The following AGT variants were observed in gnomAD, a reference collection of about 807,000 sequenced individuals.
AGT encodes angiotensinogen.
Under a neutral mutation model 28.1 loss-of-function variants are expected in AGT, and 26 were observed. That is an observed-to-expected ratio of 0.92 (90% CI 0.68 to 1.28). The LOEUF is 1.28. Among genes scored for constraint, AGT ranks in the 50% most tolerant of loss-of-function variants. The pLI is 0.00. For missense variants in AGT, 596 were observed against 592.3 expected, an observed-to-expected ratio of 1.01 and a Z score of -0.06; for synonymous variants, 259 against 259.6, an observed-to-expected ratio of 1.00 and a Z score of 0.02.
At chr1:230,743,560 C>A (rs887149137) in intron 1 of AGT, among the ~76,000 whole-genome samples, 1 of 152,354 alleles carries the variant, frequency 6.6e-6, no homozygotes, top group African/African-American at 2.4e-5. Flanking sequence ...CCACCCTCCT[C>A]GCCAGCCCAC....
chr1:230,734,150 C>T (rs917380387), intron 1 of AGT, among the ~76,000 whole-genome samples: 8 of 151,976 alleles, frequency 5.3e-5, no homozygotes, highest in African/African-American at 1.9e-4. Flanking sequence ...AAGTGTCCAC[C>T]AACAGATAAA....
At chr1:230,728,052 G>A (rs1663977329) in intron 1 of AGT, among the ~76,000 whole-genome samples, 1 of 152,164 alleles carries the variant, frequency 6.6e-6, no homozygotes, top group South Asian at 2.1e-4. Flanking sequence ...CTGCTGATTG[G>A]TTGGAGATGC....
chr1:230,727,158 C>T (rs1336021834), intron 1 of AGT, among the ~76,000 whole-genome samples: 1 of 152,100 alleles, frequency 6.6e-6, no homozygotes, highest in Non-Finnish European at 1.5e-5. Context: ...CAGGGATGAC[C>T]CTGATGCCTA....
In AGT at chr1:230,709,935, C is replaced by A. The variant is rs561977056; in HGVS notation, c.829+60G>T. On this transcript the variant is annotated intron_variant, in intron 2 of 4. Coordinates refer to ENST00000366667, the MANE Select transcript of AGT (RefSeq NM_001384479.1). Reference sequence around the variant, plus strand: ...CATCTCCAAGGCCTGACTGGCTGATCTCAGCTACACATTGGATACTAAGTC... The same window carrying A: ...CATCTCCAAGGCCTGACTGGCTGATATCAGCTACACATTGGATACTAAGTC... 3.7e-6 allele frequency: 6 copies of A among 1,611,080 alleles called. No individual in the cohort carries two copies. In the Admixed American group the frequency reaches 8.3e-5, roughly 22 times the overall value.
intron 1 of AGT, among the ~76,000 whole-genome samples, chr1:230,739,715 A>G (rs1262953817): frequency 2.0e-5 from 3 of 152,204 alleles, no homozygotes; most frequent in Non-Finnish European, 4.4e-5. Flanking sequence ...ACCTCAACCA[A>G]GAAGATCCCA....
intron 1 of AGT, among the ~76,000 whole-genome samples, chr1:230,740,356 A>G (rs1473409112): frequency 2.0e-5 from 3 of 152,072 alleles, no homozygotes; most frequent in Non-Finnish European, 2.9e-5. Flanking sequence ...CCGACCTCCT[A>G]TGTCATCCTG....
intron 4 of AGT, among the ~76,000 whole-genome samples, chr1:230,703,596 ATCTTCACAT>A (rs2102784930): frequency 6.6e-6 from 1 of 152,222 alleles, no homozygotes; most frequent in South Asian, 2.1e-4. Flanking sequence ...ACATCCTCCC[ATCTTCACAT>A]TCTGCCCTGA....
At chr1:230,735,205 C>T (rs748501186) in intron 1 of AGT, among the ~76,000 whole-genome samples, 2 of 152,116 alleles carry the variant, frequency 1.3e-5, no homozygotes, top group South Asian at 2.1e-4. Context: ...CCTCACTGAA[C>T]GCTTCCTTCC....
intron 1 of AGT, among the ~76,000 whole-genome samples, chr1:230,735,042 G>C (rs1664133369): frequency 6.6e-6 from 1 of 152,048 alleles, no homozygotes; most frequent in Admixed American, 6.6e-5. Flanking sequence ...CCCTGGAGGA[G>C]AGGGTCTGTG....
At chr1:230,728,651 C>G (rs985800977) in intron 1 of AGT, among the ~76,000 whole-genome samples, 1 of 152,168 alleles carries the variant, frequency 6.6e-6, no homozygotes, top group African/African-American at 2.4e-5. Context: ...AGGTATGGGT[C>G]ACCCTTTTAA....
chr1:230,732,114 T>A (rs962849687), intron 1 of AGT, among the ~76,000 whole-genome samples: 1 of 152,166 alleles, frequency 6.6e-6, no homozygotes, highest in African/African-American at 2.4e-5. Context: ...TGAAATTATA[T>A]TACTTATGTG....
At chr1:230,709,285 G>C (rs1301172945) in intron 2 of AGT, among the ~76,000 whole-genome samples, 1 of 152,158 alleles carries the variant, frequency 6.6e-6, no homozygotes, top group African/African-American at 2.4e-5. Flanking sequence ...TAAGCAATCT[G>C]TGGCTGGGTG....
In AGT at chr1:230,706,054, G is replaced by A. The variant is rs17856352; in HGVS notation, c.976C>T (p.Pro326Ser). 5 of 1,614,186 alleles carry A rather than the reference G, an allele frequency of 3.1e-6. No individual in the cohort carries two copies. The South Asian group carries it at 5.5e-5, about 18-fold the overall frequency. Residue 326 changes from proline to serine, a missense_variant, in exon 3 of 5, where the codon CCC (proline) becomes TCC (serine). By Grantham distance (74) the Pro-to-Ser change is moderately conservative (BLOSUM62 -1). Coordinates refer to ENST00000366667, the MANE Select transcript of AGT (RefSeq NM_001384479.1). ...AGCAGGCAGGCGCTCTCAGTGAAGG[G>A]CACTTGAGTCACCGAGAAGTTGTCC... ...IQDNFSVTQV[P>S]FTESACLLLI...
intron 1 of AGT, among the ~76,000 whole-genome samples, chr1:230,733,956 C>T (rs1014134123): frequency 6.6e-6 from 1 of 152,092 alleles, no homozygotes; most frequent in African/African-American, 2.4e-5. Context: ...CAGGCTCCAC[C>T]TTTGTGATGC....
At chr1:230,711,895 C>A (rs1229321931) in intron 1 of AGT, among the ~76,000 whole-genome samples, 6 of 151,900 alleles carry the variant, frequency 3.9e-5, no homozygotes, top group Non-Finnish European at 8.8e-5. Flanking sequence ...GCCCTAGACA[C>A]GGGTCCAGCA....
chr1:230,743,617 G>A (rs1482253866), intron 1 of AGT, among the ~76,000 whole-genome samples: 1 of 152,336 alleles, frequency 6.6e-6, no homozygotes, highest in African/African-American at 2.4e-5. Context: ...GTCGCAGCCG[G>A]GTGGGCTCAC....
intron 2 of AGT, among the ~76,000 whole-genome samples, chr1:230,707,597 G>A (rs1413907495): frequency 6.6e-6 from 1 of 152,186 alleles, no homozygotes; most frequent in Non-Finnish European, 1.5e-5. Context: ...GTCTCGGAAG[G>A]GCATGTGAGC....
intron 1 of AGT, among the ~76,000 whole-genome samples, chr1:230,722,255 T>A (rs1663860029): frequency 6.6e-6 from 1 of 152,158 alleles, no homozygotes; most frequent in Admixed American, 6.5e-5. Flanking sequence ...AGAATTGAGG[T>A]TTGGGAACCT....
At chr1:230,706,957 C>T (rs1023883826) in intron 2 of AGT, among the ~76,000 whole-genome samples, 1 of 152,246 alleles carries the variant, frequency 6.6e-6, no homozygotes, top group Admixed American at 6.5e-5. Context: ...CCCCCACCCT[C>T]CCCCATCACA....
Sources: gnomAD v4.1 joint callset for allele counts (sites outside exome capture counted in the v4.1 genomes callset) on GRCh38, gnomAD v4.1.1 for gene constraint, MANE v1.5 for transcripts, NCBI Gene and HGNC (gene_info 2026-07-23, HGNC 2026-07-21) for gene names.